Variants in ANKFN1 observed in about 807,000 individuals in gnomAD.
The protein encoded by ANKFN1 is ankyrin repeat and fibronectin type-III domain-containing protein 1.
Under a neutral mutation model 108.7 loss-of-function variants are expected in ANKFN1, and 74 were observed. That is an observed-to-expected ratio of 0.68 (90% CI 0.56 to 0.83). ANKFN1 has a LOEUF of 0.83. Among genes scored for constraint, ANKFN1 ranks in the 40% least tolerant of loss-of-function variants. The pLI is 0.00. For missense variants in ANKFN1, 1,505 were observed against 1,382.3 expected (o/e 1.09, Z -1.41); for synonymous variants, 547 against 516.2 (o/e 1.06, Z -0.81).
intron 2 of ANKFN1, among the ~76,000 whole-genome samples, chr17:56,219,830 C>T (rs377199291): frequency 2.0e-5 from 3 of 152,160 alleles, no homozygotes; most frequent in African/African-American, 7.2e-5. Flanking sequence ...GCTCCAATGG[C>T]GGCTACTGAA....
At chr17:56,368,078 G>A (rs2046706384) in intron 6 of ANKFN1, 5 of 850,474 alleles carry the variant, frequency 5.9e-6, no homozygotes, top group South Asian at 5.1e-5. Context: ...CAGATCCAGA[G>A]GCTAGTAGTT....
rs184253899 is a variant in ANKFN1, at chr17:56,383,397, C to T, written c.910+8683C>T. 2.2e-4 allele frequency among the ~76,000 whole-genome samples: 34 copies of T among 152,160 alleles called. No individual in the cohort carries two copies. In the East Asian group the frequency reaches 4.2e-3, roughly 19 times the overall value. On this transcript the variant is annotated intron_variant, in intron 8 of 20. Coordinates refer to ENST00000682825, the MANE Select transcript of ANKFN1 (RefSeq NM_001370326.1). ...AAGCAGGAAAGATCCAAAATTGACA[C>T]GCTAATATCACAATTAAAAGAACTA...
intron 1 of ANKFN1, among the ~76,000 whole-genome samples, chr17:56,204,339 C>T (rs557243819): frequency 4.8e-4 from 72 of 151,450 alleles, no homozygotes; most frequent in African/African-American, 1.6e-3. Flanking sequence ...AGCCACCACG[C>T]CCAGCCTATT....
intron 8 of ANKFN1, among the ~76,000 whole-genome samples, chr17:56,435,515 T>C (rs1354612037): frequency 6.6e-6 from 1 of 152,104 alleles, no homozygotes; most frequent in Non-Finnish European, 1.5e-5. Flanking sequence ...GGATAGAAGT[T>C]TTTGTGGAAG....
At chr17:56,499,914 T>C (rs1253795380) in intron 20 of ANKFN1, among the ~76,000 whole-genome samples, 3 of 152,236 alleles carry the variant, frequency 2.0e-5, no homozygotes, top group East Asian at 1.9e-4. Context: ...TTCTATAGTT[T>C]GCAAGAGCTC....
At chr17:56,124,899 T>C (rs1906833737) in intron 4 of ANKFN1, among the ~76,000 whole-genome samples, 1 of 152,224 alleles carries the variant, frequency 6.6e-6, no homozygotes, top group Admixed American at 6.5e-5. Flanking sequence ...CTGACATGCC[T>C]AATGGCAAGG....
intron 4 of ANKFN1, among the ~76,000 whole-genome samples, chr17:56,090,862 C>T (rs1598092730): frequency 1.3e-5 from 2 of 151,342 alleles, no homozygotes; most frequent in Admixed American, 1.3e-4. Context: ...CCCAACAAGG[C>T]ATCCCAAAGT....
intron 8 of ANKFN1, among the ~76,000 whole-genome samples, chr17:56,389,625 TATTTCAAA>T: frequency 6.6e-6 from 1 of 152,322 alleles, no homozygotes; most frequent in African/African-American, 2.4e-5. Context: ...GTGTATCTGG[TATTTCAAA>T]AAATTGTGTA....
intron 4 of ANKFN1, among the ~76,000 whole-genome samples, chr17:56,085,444 C>G (rs1314498279): frequency 6.6e-6 from 1 of 150,980 alleles, no homozygotes; most frequent in Non-Finnish European, 1.5e-5. Context: ...GACACCAGAA[C>G]TTGAAAAGGC....
chr17:56,494,336 T>C (rs137858731), intron 19 of ANKFN1, among the ~76,000 whole-genome samples: 1 of 152,156 alleles, frequency 6.6e-6, no homozygotes, highest in African/African-American at 2.4e-5. Flanking sequence ...CCAGTAAAAA[T>C]GGAACACAGA....
intron 4 of ANKFN1, among the ~76,000 whole-genome samples, chr17:56,133,096 T>C (rs919922844): frequency 2.0e-5 from 3 of 152,184 alleles, no homozygotes; most frequent in Non-Finnish European, 4.4e-5. Context: ...CCTTTCTAGA[T>C]ACCAACCCAG....
At chr17:56,462,413 G>A (rs1209705422) in intron 14 of ANKFN1, among the ~76,000 whole-genome samples, 4 of 152,106 alleles carry the variant, frequency 2.6e-5, no homozygotes, top group African/African-American at 4.8e-5. Context: ...TGACCAACAC[G>A]GACAAACCCC....
At chr17:56,143,891 A>G (rs1027469610) in intron 4 of ANKFN1, among the ~76,000 whole-genome samples, 1 of 152,328 alleles carries the variant, frequency 6.6e-6, no homozygotes, top group African/African-American at 2.4e-5. Flanking sequence ...CAAAGTCTCC[A>G]GAAAGAACCA....
intron 1 of ANKFN1, 37 bp downstream of exon 1, chr17:56,153,567 G>A: frequency 6.2e-7 from 1 of 1,612,068 alleles, no homozygotes; most frequent in African/African-American, 1.3e-5. Flanking sequence ...GGTAATTGGT[G>A]TTTGGAGGCC....
chr17:56,180,061 A>C (rs2143620362), intron 1 of ANKFN1, among the ~76,000 whole-genome samples: 1 of 152,310 alleles, frequency 6.6e-6, no homozygotes, highest in Non-Finnish European at 1.5e-5. Flanking sequence ...CAGAGGAAGA[A>C]GTGATTTCTG....
intron 4 of ANKFN1, among the ~76,000 whole-genome samples, chr17:56,334,547 T>C (rs570891102): frequency 6.6e-6 from 1 of 152,246 alleles, no homozygotes; most frequent in Admixed American, 6.6e-5. Flanking sequence ...ACCTATTTTT[T>C]CAAGCACTCT....
At chr17:56,421,164 T>G (rs1371762374) in intron 8 of ANKFN1, among the ~76,000 whole-genome samples, 1 of 152,246 alleles carries the variant, frequency 6.6e-6, no homozygotes, top group African/African-American at 2.4e-5. Context: ...CTATAATTTT[T>G]AGTTAGAAGT....
chr17:56,306,080 G>T (rs139112358), intron 3 of ANKFN1, among the ~76,000 whole-genome samples: 2 of 152,194 alleles, frequency 1.3e-5, no homozygotes, highest in Admixed American at 1.3e-4. Context: ...TCTTGAAATT[G>T]AGTAACCTTA....
intron 17 of ANKFN1, among the ~76,000 whole-genome samples, chr17:56,482,152 A>G (rs1312785079): frequency 2.0e-5 from 3 of 152,230 alleles, no homozygotes; most frequent in Non-Finnish European, 4.4e-5. Context: ...TGTTGTTTTC[A>G]GAGTTTATGT....
Sources: allele counts gnomAD v4.1 joint callset (sites outside exome capture counted in the v4.1 genomes callset), GRCh38; gene constraint gnomAD v4.1.1; transcripts MANE v1.5; gene names NCBI Gene and HGNC (gene_info 2026-07-23, HGNC 2026-07-21).